Variants in TIA1 observed in about 807,000 individuals in gnomAD.
TIA1 encodes the protein cytotoxic granule associated RNA binding protein TIA1.
TIA1 carries 23 observed loss-of-function variants against 65.9 expected under a neutral mutation model. The ratio of observed to expected loss-of-function variants is 0.35; its 90% CI spans 0.25 to 0.49. The LOEUF (loss-of-function observed/expected upper bound fraction) is 0.49. Among genes scored for constraint, TIA1 ranks in the 20% least tolerant of loss-of-function variants. The probability of loss-of-function intolerance (pLI) is 0.98; values close to 1 mark genes in which losing one functional copy is unlikely to be tolerated. For missense variants in TIA1, 371 were observed against 477.9 expected, an observed-to-expected ratio of 0.78 and a Z score of 2.09; for synonymous variants, 147 against 149.4, an observed-to-expected ratio of 0.98 and a Z score of 0.12.
At chr2:70,219,959 T>G (rs560260879) in intron 7 of TIA1, among the ~76,000 whole-genome samples, 4 of 152,176 alleles carry the variant, frequency 2.6e-5, no homozygotes, top group Admixed American at 6.5e-5. Context: ...ACTAATGTTA[T>G]GTGTTGAATT....
chr2:70,246,583 A>T (rs1694436210), intron 1 of TIA1, among the ~76,000 whole-genome samples: 1 of 152,118 alleles, frequency 6.6e-6, no homozygotes, highest in South Asian at 2.1e-4. Context: ...TAATAAATGT[A>T]ATAGTTAAAA....
chr2:70,227,300 A>C (rs1418355350), intron 6 of TIA1, among the ~76,000 whole-genome samples: 1 of 152,170 alleles, frequency 6.6e-6, no homozygotes, highest in Non-Finnish European at 1.5e-5. Flanking sequence ...TCTAGAAAAT[A>C]ATATTCAATA....
Position 70,246,276 on chromosome 2 carries a change from T to C in TIA1, c.26+2129A>G, listed in dbSNP as rs1053424480. On this transcript the variant is annotated intron_variant, in intron 1 of 12. Coordinates refer to ENST00000433529, the MANE Select transcript of TIA1 (RefSeq NM_022173.4). ...ATTGATTACTTACCATGGACCACACTAAGAACATATATTGAGAGGCTGTGT... is the reference window on the plus strand; with the variant it reads ...ATTGATTACTTACCATGGACCACACCAAGAACATATATTGAGAGGCTGTGT... Among the ~76,000 whole-genome samples, 7 of 152,288 alleles carry C rather than the reference T, an allele frequency of 4.6e-5. No individual in the cohort carries two copies. In the South Asian group the frequency reaches 1.2e-3, roughly 27 times the overall value.
intron 1 of TIA1, among the ~76,000 whole-genome samples, chr2:70,246,660 C>T (rs995750986): frequency 6.6e-6 from 1 of 152,104 alleles, no homozygotes; most frequent in Non-Finnish European, 1.5e-5. Context: ...CCGAGGTGTG[C>T]GGATCACCTG....
At chr2:70,233,562 A>T (rs555843777) in intron 2 of TIA1, among the ~76,000 whole-genome samples, 1 of 152,144 alleles carries the variant, frequency 6.6e-6, no homozygotes, top group African/African-American at 2.4e-5. Flanking sequence ...ACATCAGGAG[A>T]TCAAGACCAC....
intron 1 of TIA1, among the ~76,000 whole-genome samples, chr2:70,237,938 G>A (rs1210870132): frequency 6.6e-6 from 1 of 151,950 alleles, no homozygotes; most frequent in Non-Finnish European, 1.5e-5. Flanking sequence ...GAGGTGGGCG[G>A]ATCACGAGGT....
intron 1 of TIA1, among the ~76,000 whole-genome samples, chr2:70,238,340 G>A (rs1485572925): frequency 5.5e-5 from 7 of 127,226 alleles, no homozygotes; most frequent in Admixed American, 9.7e-5. Context: ...GTGCGATCTC[G>A]GCTCATTGCA....
intron 5 of TIA1, 95 bp downstream of exon 5, chr2:70,228,964 G>GCCC: frequency 9.8e-7 from 1 of 1,023,106 alleles, no homozygotes. Context: ...ATCTCCTCCC[G>GCCC]CCCCCCTCCC....
intron 1 of TIA1, among the ~76,000 whole-genome samples, chr2:70,242,318 G>A (rs1692189147): frequency 6.6e-6 from 1 of 151,804 alleles, no homozygotes; most frequent in African/African-American, 2.4e-5. Context: ...GATCACTTGA[G>A]CTCAGGAGTT....
chr2:70,223,728 C>A (rs1167840205), intron 7 of TIA1, among the ~76,000 whole-genome samples: 2 of 148,068 alleles, frequency 1.4e-5, no homozygotes, highest in African/African-American at 5.0e-5. Flanking sequence ...TTTCGGAATT[C>A]CCGGAAAAAA....
At position 70,215,526 on chromosome 2, in the gene TIA1, C is replaced by A. The variant is rs558859270; in HGVS notation, c.765-32G>T. 1.9e-6 allele frequency: 3 copies of A among 1,567,196 alleles called. No individual in the cohort carries two copies. The South Asian group carries it at 3.5e-5, about 18-fold the overall frequency. On this transcript the variant is annotated intron_variant, in intron 10 of 12. Transcript: ENST00000433529. ...AAAACAATATTAAGAATCACCAATA[C>A]AAATTCTTTTAAATATTTATGAATA...
chr2:70,248,654 CAA>C, upstream of TIA1: 2 of 616,550 alleles, frequency 3.2e-6, no homozygotes, highest in Admixed American at 2.9e-5. Flanking sequence ...GAGCAGCCAG[CAA>C]AGTTACCCGG....
rs1048066568 is a variant in TIA1, at chr2:70,225,192, G to C, written c.399-563C>G. 6.7e-5 allele frequency: 71 copies of C among 1,053,978 alleles called. No individual in the cohort carries two copies. In the African/African-American group the frequency reaches 1.2e-3, roughly 18 times the overall value. 65.3% of individuals were successfully genotyped at this position (1,053,978 alleles called of 1,614,324 possible). ...GTTAAATCATTGAAGAAAAATACTAGACACACACAAGTTTTAAGCTAGACA... is the reference window on the plus strand; with the variant it reads ...GTTAAATCATTGAAGAAAAATACTACACACACACAAGTTTTAAGCTAGACA... On this transcript the variant is annotated intron_variant, in intron 6 of 12. Transcript: ENST00000433529.
In TIA1 at chr2:70,209,575, A is replaced by G; in HGVS notation, c.*3144T>C. 1 of 398,336 alleles carries G rather than the reference A, an allele frequency of 2.5e-6. No homozygotes were observed. Among genetic ancestry groups the G allele is most frequent in the African/African-American group, 2.1e-5 (1 of 48,742 alleles). 24.7% of individuals were successfully genotyped at this position (398,336 alleles called of 1,614,324 possible). ...TAATGAAATGTAATAACCTCCTATA[A>G]AGAAACGATTGGGGACTATCATTTT... On this transcript the variant is annotated 3_prime_UTR_variant, in exon 13 of 13. Transcript: ENST00000433529.
intron 2 of TIA1, among the ~76,000 whole-genome samples, chr2:70,233,437 G>A (rs533485985): frequency 6.6e-6 from 1 of 152,310 alleles, no homozygotes; most frequent in South Asian, 2.1e-4. Flanking sequence ...CTATTACCAA[G>A]ATCAATGCTG....
At chr2:70,247,806 T>TAAAA (rs1482472293) in intron 1 of TIA1, among the ~76,000 whole-genome samples, 2 of 152,130 alleles carry the variant, frequency 1.3e-5, no homozygotes, top group Non-Finnish European at 2.9e-5. Flanking sequence ...TTAGGCTTTT[T>TAAAA]GGTCGGTGGG....
intron 7 of TIA1, 99 bp from the exon 8 acceptor site, chr2:70,217,093 T>A: frequency 8.2e-7 from 1 of 1,222,402 alleles, no homozygotes; most frequent in Non-Finnish European, 1.1e-6. Context: ...CACAAATGTT[T>A]AAGTGAAAAT....
chr2:70,232,738 G>A (rs976024741), intron 2 of TIA1, among the ~76,000 whole-genome samples: 8 of 151,050 alleles, frequency 5.3e-5, no homozygotes, highest in Admixed American at 3.3e-4. Context: ...GTGTGGTGGC[G>A]TGTGCTTGTA....
intron 5 of TIA1, chr2:70,228,567 G>T: frequency 9.1e-7 from 1 of 1,095,900 alleles, no homozygotes; most frequent in African/African-American, 1.7e-5. Flanking sequence ...TTTTAAAAAA[G>T]ACAATTATCA....
Sources: gnomAD v4.1 joint callset for allele counts (sites outside exome capture counted in the v4.1 genomes callset) on GRCh38, gnomAD v4.1.1 for gene constraint, MANE v1.5 for transcripts, NCBI Gene and HGNC (gene_info 2026-07-23, HGNC 2026-07-21) for gene names.